SLC35E2B: variants seen among roughly 807,000 people sequenced by gnomAD.
SLC35E2B encodes the protein solute carrier family 35, member E2B.
SLC35E2B carries 18 observed loss-of-function variants against 32.4 expected under a neutral mutation model. The observed-to-expected ratio is 0.56, with a 90% confidence interval of 0.38 to 0.82. The LOEUF (loss-of-function observed/expected upper bound fraction) is 0.82, where lower values mean the gene tolerates loss of function less well. Among genes scored for constraint, SLC35E2B ranks in the 40% least tolerant of loss-of-function variants. SLC35E2B has a pLI of 0.00. For missense variants in SLC35E2B, 263 were observed against 469.5 expected (o/e 0.56, Z 4.06); for synonymous variants, 132 against 209.1 (o/e 0.63, Z 3.18).
chr1:1,671,577 G>T lies in SLC35E2B; in HGVS notation c.639C>A (p.Cys213Ter). 1.3e-6 allele frequency: 2 copies of T among 1,549,524 alleles called. No homozygotes were observed. The highest frequency in any genetic ancestry group is 1.7e-6 in the Non-Finnish European group (2 of 1,146,100). ...CATTGAAGCTGATCTCAGTGGCCGT[G>T]CACAGCGCCAGCCCGCCCATGACTG... Reference protein sequence around the residue: ...LIPVMGGLALCTATEISFNVL... With the variant: ...LIPVMGGLAL Residue 213 changes from cysteine (C) to a stop codon, truncating the protein, a stop_gained, in exon 6 of 10, where the codon TGC becomes TGA. Coordinates refer to ENST00000617444, the MANE Select transcript of SLC35E2B (RefSeq NM_001290264.2). LOFTEE classifies it high-confidence loss of function.
rs1644029325 is a variant in SLC35E2B at position 1,692,612 on chromosome 1, G to A, written c.-729C>T. On this transcript the variant is annotated 5_prime_UTR_variant, in exon 1 of 10. The change creates a premature stop within an existing upstream ORF in the 5' untranslated region. Coordinates refer to ENST00000617444, the MANE Select transcript of SLC35E2B (RefSeq NM_001290264.2). ...CGGCACTGGGGAGTGGCACAGCGCT[G>A]GCGGATCCAGGTGGGCTTCACGGGG... The A allele has an allele frequency of 3.0e-6, 3 of 983,636 alleles. No homozygotes were observed. The highest frequency in any genetic ancestry group is 9.4e-5 in the South Asian group (2 of 21,274). 60.9% of individuals were successfully genotyped at this position (983,636 alleles called of 1,614,324 possible).
intron 5 of SLC35E2B, chr1:1,674,144 G>T (rs1304566323): frequency 1.2e-5 from 2 of 173,128 alleles, no homozygotes; most frequent in African/African-American, 4.8e-5. Context: ...ACTCAAAAAA[G>T]GTGTACAAAA....
chr1:1,671,455 T>G, intron 6 of SLC35E2B, 54 bp downstream of exon 6: 1 of 1,362,922 alleles, frequency 7.3e-7, no homozygotes. Context: ...CACACCCAGA[T>G]GCAGGTGAGC....
chr1:1,669,140 A>G (rs940065560), intron 8 of SLC35E2B, among the ~76,000 whole-genome samples: 1 of 152,130 alleles, frequency 6.6e-6, no homozygotes, highest in Non-Finnish European at 1.5e-5. Context: ...TTGACAGCTA[A>G]TGGATTAAAA....
In SLC35E2B at chr1:1,669,675, C is replaced by T; in HGVS notation, c.823G>A (p.Val275Ile). ...TGTCTGAAACCCACCGTAAAGAAAA[C>T]CCGGGCCGGGACGAGCATGGCCACC... is the stretch of plus-strand genomic sequence containing the variant. Reference protein sequence around the residue: ...AAVAMLVPARVFFTDVPVIGR... With the variant: ...AAVAMLVPARIFFTDVPVIGR... The change falls in exon 8 of 10, where the codon GTT becomes ATT. Residue 275 changes from valine (V) to isoleucine (I), a missense_variant. Around this residue, in one of 7 missense-constraint regions of SLC35E2B, gnomAD observed 129 missense variants for 164.5 expected, o/e 0.78. Coordinates refer to ENST00000617444, the MANE Select transcript of SLC35E2B (RefSeq NM_001290264.2). 6.6e-7 allele frequency: 1 copy of T among 1,526,642 alleles called. No homozygotes were observed. The highest frequency in any genetic ancestry group is 8.9e-7 in the Non-Finnish European group (1 of 1,127,952). The allele number at this position is 1,526,642 out of a possible 1,614,324, so 94.6% of individuals were successfully genotyped here.
At chr1:1,682,101 T>A (rs1159664381) in intron 2 of SLC35E2B, among the ~76,000 whole-genome samples, 1 of 143,638 alleles carries the variant, frequency 7.0e-6, no homozygotes, top group African/African-American at 2.5e-5. Flanking sequence ...CTCATGTGAT[T>A]CGCCCGCCTT....
intron 2 of SLC35E2B, among the ~76,000 whole-genome samples, chr1:1,680,240 G>A (rs1020025886): frequency 7.2e-5 from 11 of 151,990 alleles, no homozygotes; most frequent in African/African-American, 2.7e-4. Flanking sequence ...GGTCAAGGCT[G>A]CAGTGAGCCG....
chr1:1,681,142 G>A lies in SLC35E2B; in HGVS notation c.-147-4296C>T, dbSNP rs182082061. Among the ~76,000 whole-genome samples the A allele has an allele frequency of 6.8e-4, 103 of 152,174 alleles. No individual in the cohort carries two copies. The South Asian group carries it at 0.01, about 15-fold the overall frequency. On this transcript the variant is annotated intron_variant, in intron 2 of 9. Transcript: ENST00000617444. The stretch of plus-strand genomic sequence containing the variant: ...TGTTCCCAGGCTGGAAATTCCTGAC[G>A]GTACAAATGCAAACAGATTCCGGCC...
rs930688802 is a variant in SLC35E2B at position 1,680,292 on chromosome 1, C to A, written c.-147-3446G>T. Among the ~76,000 whole-genome samples the A allele has an allele frequency of 3.4e-4, 52 of 151,880 alleles. 1 individual carries two copies. The highest frequency in any genetic ancestry group is 2.9e-3 in the Admixed American group (44 of 15,238). Reference sequence around the variant, plus strand: ...CTCCAGCCTGGGCAACAGAGCAAGACCCTGACTCTAAAAATTAAAAAAAAG... The same window carrying A: ...CTCCAGCCTGGGCAACAGAGCAAGAACCTGACTCTAAAAATTAAAAAAAAG... On this transcript the variant is annotated intron_variant, in intron 2 of 9. Transcript: ENST00000617444.
At chr1:1,667,830 T>C (rs1570311384) in intron 9 of SLC35E2B, among the ~76,000 whole-genome samples, 1 of 152,078 alleles carries the variant, frequency 6.6e-6, no homozygotes, top group African/African-American at 2.4e-5. Context: ...TTACGGTTTA[T>C]TTTACAGTTT....
At chr1:1,675,437 G>A (rs1381610251) in intron 5 of SLC35E2B, 26 bp downstream of exon 5, 38 of 1,611,494 alleles carry the variant, frequency 2.4e-5, no homozygotes, top group Middle Eastern at 3.3e-4. Flanking sequence ...GGGCGCAGGC[G>A]GAGGGGCGGG....
Position 1,669,649 on chromosome 1 carries a change from G to T in SLC35E2B, c.834+15C>A, listed in dbSNP as rs372559637. 975 of 1,517,502 alleles carry T rather than the reference G, an allele frequency of 6.4e-4. 12 individuals carry two copies. The Middle Eastern group carries it at 8.5e-3, about 13-fold the overall frequency. The allele number at this position is 1,517,502 out of a possible 1,614,324, so 94.0% of individuals were successfully genotyped here. A position where few individuals can be genotyped will look rare whatever the true frequency, so the allele number is the denominator to read the frequency against. On this transcript the variant is annotated intron_variant, in intron 8 of 9. Transcript: ENST00000617444. ...CCCGGCAAGTAAGGACGGGACGCCT[G>T]TGTCTGAAACCCACCGTAAAGAAAA...
chr1:1,671,663 C>T, intron 5 of SLC35E2B, 34 bp from the exon 6 acceptor site: 4 of 1,485,500 alleles, frequency 2.7e-6, no homozygotes, highest in Non-Finnish European at 3.6e-6. Context: ...AGTGGCTGAC[C>T]CGCCGGGCGG....
Position 1,665,307 on chromosome 1 carries a change from C to T in SLC35E2B, c.*475G>A. 3.0e-6 allele frequency: 1 copy of T among 337,944 alleles called. No individual in the cohort carries two copies. The highest frequency in any genetic ancestry group is 4.6e-5 in the East Asian group (1 of 21,696). The allele number at this position is 337,944 out of a possible 1,614,324, so 20.9% of individuals were successfully genotyped here. On this transcript the variant is annotated 3_prime_UTR_variant, in exon 10 of 10. Transcript: ENST00000617444. ...CCTTCCTTCCAGGGCCCTCTGTCCCCTCCCTTCGGCCCTGCTCTGTGGCCT... is the reference window on the plus strand; with the variant it reads ...CCTTCCTTCCAGGGCCCTCTGTCCCTTCCCTTCGGCCCTGCTCTGTGGCCT...
In SLC35E2B at chr1:1,673,542, C is replaced by T. The variant is rs548011050; in HGVS notation, c.587-1913G>A. On this transcript the variant is annotated intron_variant, in intron 5 of 9. Transcript: ENST00000617444. ...AATTAGCTGGGTGTGGGGCCACATGCCTGTAATCCCAGCTACTCAGAGGAG... is the reference window on the plus strand; with the variant it reads ...AATTAGCTGGGTGTGGGGCCACATGTCTGTAATCCCAGCTACTCAGAGGAG... The T allele has an allele frequency of 3.5e-4, 74 of 212,306 alleles. 1 individual carries two copies. The highest frequency in any genetic ancestry group is 1.6e-3 in the African/African-American group (66 of 42,504). 13.2% of individuals were successfully genotyped at this position (212,306 alleles called of 1,614,324 possible). A position where few individuals can be genotyped will look rare whatever the true frequency, so the allele number is the denominator to read the frequency against.
At chr1:1,681,584 G>A (rs1303350613) in intron 2 of SLC35E2B, among the ~76,000 whole-genome samples, 7 of 150,786 alleles carry the variant, frequency 4.6e-5, no homozygotes, top group African/African-American at 1.7e-4. Context: ...TCAGCTCACC[G>A]TAGCCCCCAC....
chr1:1,666,086 C>G, intron 9 of SLC35E2B, 67 bp from the exon 10 acceptor site: 1 of 1,489,798 alleles, frequency 6.7e-7, no homozygotes, highest in Non-Finnish European at 9.0e-7. Context: ...TGGCCAGCAG[C>G]TCGGCTGAGC....
At chr1:1,669,950 C>T in intron 7 of SLC35E2B, 148 bp downstream of exon 7, 1 of 861,048 alleles carries the variant, frequency 1.2e-6, no homozygotes, top group Non-Finnish European at 1.9e-6. Flanking sequence ...ACGGGCGGGT[C>T]CCTCCCGAGC....
chr1:1,674,425 A>G (rs1643787167), intron 5 of SLC35E2B: 5 of 152,210 alleles, frequency 3.3e-5, no homozygotes. Context: ...TGACTAACGT[A>G]TATTCACAGT....
Sources: allele counts gnomAD v4.1 joint callset (sites outside exome capture counted in the v4.1 genomes callset), GRCh38; gene constraint gnomAD v4.1.1; regional missense constraint gnomAD v4.1.1; transcripts MANE v1.5; gene names NCBI Gene and HGNC (gene_info 2026-07-23, HGNC 2026-07-21).